The following ATF7IP variants were observed in gnomAD, a reference collection of about 807,000 sequenced individuals.
ATF7IP encodes activating transcription factor 7-interacting protein 1.
A neutral mutation model predicts 106.4 loss-of-function variants in ATF7IP; 23 were observed. The observed-to-expected ratio is 0.22, with a 90% CI of 0.16 to 0.31. The LOEUF is 0.31. Ranked by LOEUF, ATF7IP falls within the 10% of genes least tolerant of loss-of-function variation. The pLI, the probability that ATF7IP is intolerant of heterozygous loss-of-function variation, is 1.00. For missense variants in ATF7IP, 1,334 were observed against 1,524.3 expected, an observed-to-expected ratio of 0.88 and a Z score of 2.08; for synonymous variants, 542 against 539.0, an observed-to-expected ratio of 1.01 and a Z score of -0.08.
At chr12:14,434,692 A>G (rs1437917461) in intron 3 of ATF7IP, among the ~76,000 whole-genome samples, 2 of 152,244 alleles carry the variant, frequency 1.3e-5, no homozygotes, top group African/African-American at 4.8e-5. Context: ...GTTTTGAGAT[A>G]AATTGTTTTA....
intron 8 of ATF7IP, among the ~76,000 whole-genome samples, chr12:14,459,170 T>C (rs1185928971): frequency 6.6e-6 from 1 of 152,196 alleles, no homozygotes; most frequent in Non-Finnish European, 1.5e-5. Flanking sequence ...TAAGAAAAGA[T>C]CTTCAAAATA....
intron 1 of ATF7IP, among the ~76,000 whole-genome samples, chr12:14,399,680 T>G (rs940167351): frequency 6.6e-6 from 1 of 152,168 alleles, no homozygotes; most frequent in African/African-American, 2.4e-5. Flanking sequence ...ATATTTCTTA[T>G]GTGTTTGTTT....
rs766627804 is a variant in ATF7IP, at chr12:14,460,860, A to G, written c.2524A>G (p.Thr842Ala). Residue 842 changes from threonine to alanine, a missense_variant, in exon 9 of 15, where the codon ACT (threonine) becomes GCT (alanine). Thr to Ala is a moderately conservative substitution (Grantham distance 58). This residue lies in a region of ATF7IP where 370 missense variants were observed against 401.2 expected (regional missense o/e 0.92). Transcript: ENST00000261168. ...ATCCTTGCCATCCTTGCCAAATCCC[A>G]CTAAACCAAACAACGTTCCTTCTGT... ...PVSLPSLPNP[T>A]KPNNVPSVPS... The G allele has an allele frequency of 1.2e-6, 2 of 1,614,186 alleles. No homozygotes were observed. Among genetic ancestry groups the G allele is most frequent in the Non-Finnish European group, 1.7e-6 (2 of 1,180,036 alleles).
intron 1 of ATF7IP, chr12:14,385,197 G>A: frequency 2.0e-6 from 1 of 493,632 alleles, no homozygotes; most frequent in Middle Eastern, 3.5e-4. Context: ...CCTGCAGGCT[G>A]ACAAAGTGGG....
chr12:14,398,241 A>G (rs1007018611), intron 1 of ATF7IP, among the ~76,000 whole-genome samples: 2 of 151,452 alleles, frequency 1.3e-5, no homozygotes, highest in African/African-American at 2.4e-5. Flanking sequence ...TGCCTTTATT[A>G]ATGTTTTTGA....
intron 1 of ATF7IP, among the ~76,000 whole-genome samples, chr12:14,384,883 A>AG (rs1939148656): frequency 1.3e-5 from 2 of 151,702 alleles, no homozygotes; most frequent in Admixed American, 6.6e-5. Flanking sequence ...AAAAAAAAAA[A>AG]AAAGGCCTTG....
chr12:14,441,672 G>T (rs1942711228), intron 5 of ATF7IP, among the ~76,000 whole-genome samples: 1 of 151,804 alleles, frequency 6.6e-6, no homozygotes, highest in African/African-American at 2.4e-5. Flanking sequence ...TGTATTTTTA[G>T]TAGAGATGGG....
At chr12:14,398,181 C>T (rs1939959458) in intron 1 of ATF7IP, among the ~76,000 whole-genome samples, 1 of 151,800 alleles carries the variant, frequency 6.6e-6, no homozygotes, top group Admixed American at 6.6e-5. Flanking sequence ...TGTTTTCTTT[C>T]ATAATTTTCT....
At position 14,497,508 on chromosome 12, in the gene ATF7IP, C is replaced by T. The variant is rs1945047519; in HGVS notation, c.3394-146C>T. 3 of 861,408 alleles carry T rather than the reference C, an allele frequency of 3.5e-6. No individual in the cohort carries two copies. In the South Asian group the frequency reaches 5.9e-5, roughly 17 times the overall value. The allele number at this position is 861,408 out of a possible 1,614,324, so 53.4% of individuals were successfully genotyped here. ...ATTACAAAACCCCAAATAGAACTTG[C>T]CAAATTTGATATGGTATTTGGTATT... On this transcript the variant is annotated intron_variant, in intron 14 of 14. Transcript: ENST00000261168.
rs755825016 is a variant in ATF7IP at position 14,446,968 on chromosome 12, G to GTT, written c.1930-19_1930-18insTT. ...TACTATTTGATTTCCATTCATTTTT[G>GTT]TCTTTTTTTTTTTTTTCAGGCCAAG... is the stretch of plus-strand genomic sequence containing the variant. On this transcript the variant is annotated intron_variant, in intron 5 of 14. Coordinates refer to ENST00000261168, the MANE Select transcript of ATF7IP (RefSeq NM_018179.5). 120 of 1,038,846 alleles carry GTT rather than the reference G, an allele frequency of 1.2e-4. No individual in the cohort carries two copies. Among genetic ancestry groups the GTT allele is most frequent in the South Asian group, 3.9e-4 (19 of 48,110 alleles). The allele number at this position is 1,038,846 out of a possible 1,614,324, so 64.4% of individuals were successfully genotyped here. A position where few individuals can be genotyped will look rare whatever the true frequency, so the allele number is the denominator to read the frequency against.
chr12:14,402,367 A>G (rs75942909), intron 1 of ATF7IP, among the ~76,000 whole-genome samples: 2,291 of 151,474 alleles, frequency 0.015, 28 homozygotes, highest in Non-Finnish European at 0.022. Context: ...GGCTCAAGCA[A>G]TCCTCTTGTC....
intron 11 of ATF7IP, 64 bp downstream of exon 11, chr12:14,476,032 C>T: frequency 8.9e-7 from 1 of 1,123,074 alleles, no homozygotes; most frequent in East Asian, 2.4e-5. Flanking sequence ...TAATACGGTA[C>T]AGTATTCTAC....
At chr12:14,399,489 A>T (rs567537045) in intron 1 of ATF7IP, among the ~76,000 whole-genome samples, 1 of 152,142 alleles carries the variant, frequency 6.6e-6, no homozygotes, top group East Asian at 1.9e-4. Context: ...GTGTCAAAAA[A>T]TTTTATTTTG....
chr12:14,477,611 C>G (rs1944302682), intron 11 of ATF7IP, among the ~76,000 whole-genome samples: 1 of 152,214 alleles, frequency 6.6e-6, no homozygotes, highest in Non-Finnish European at 1.5e-5. Context: ...GGGTCTGTCT[C>G]AAATTCTCAC....
chr12:14,492,290 T>C (rs1415247177), intron 13 of ATF7IP, among the ~76,000 whole-genome samples: 1 of 152,174 alleles, frequency 6.6e-6, no homozygotes, highest in Admixed American at 6.5e-5. Context: ...CTGGGATCAG[T>C]GTAAGCTCAG....
At chr12:14,496,378 A>G in intron 14 of ATF7IP, 35 bp downstream of exon 14, 1 of 1,350,030 alleles carries the variant, frequency 7.4e-7, no homozygotes, top group South Asian at 1.2e-5. Flanking sequence ...AAAATTCTCA[A>G]CTGTAGAGGT....
At chr12:14,396,437 T>TA (rs36115150) in intron 1 of ATF7IP, among the ~76,000 whole-genome samples, 3,920 of 146,242 alleles carry the variant, frequency 0.027, 55 homozygotes, top group Non-Finnish European at 0.037. Context: ...TGCTTGGATT[T>TA]AAAAAAAAAA....
intron 5 of ATF7IP, among the ~76,000 whole-genome samples, chr12:14,440,817 C>CT (rs1942659955): frequency 6.6e-6 from 1 of 152,228 alleles, no homozygotes; most frequent in Non-Finnish European, 1.5e-5. Flanking sequence ...TCTGCTGTCT[C>CT]TATCGATTTA....
chr12:14,473,357 A>G (rs1421714881), intron 10 of ATF7IP, among the ~76,000 whole-genome samples: 1 of 147,958 alleles, frequency 6.8e-6, no homozygotes, highest in African/African-American at 2.5e-5. Context: ...AGTTTACAGT[A>G]TGTATCTAAT....
Sources: allele counts gnomAD v4.1 joint callset (sites outside exome capture counted in the v4.1 genomes callset), GRCh38; gene constraint gnomAD v4.1.1; regional missense constraint gnomAD v4.1.1; transcripts MANE v1.5; gene names NCBI Gene and HGNC (gene_info 2026-07-23, HGNC 2026-07-21).